RO60: variants seen among roughly 807,000 people sequenced by gnomAD.
The protein encoded by RO60 is Ro60, Y RNA binding protein.
RO60 carries 20 observed loss-of-function variants against 55.3 expected under a neutral mutation model. The observed-to-expected ratio is 0.36, with a 90% confidence interval of 0.25 to 0.53. The LOEUF is 0.53. RO60 is among the 20% of genes least tolerant of loss of function. The probability of loss-of-function intolerance (pLI) is 0.92; values close to 1 mark genes in which losing one functional copy is unlikely to be tolerated. For synonymous variants in RO60, 213 were observed against 213.6 expected, an observed-to-expected ratio of 1.00 and a Z score of 0.02; for missense variants, 558 against 646.6, an observed-to-expected ratio of 0.86 and a Z score of 1.49.
intron 1 of RO60, among the ~76,000 whole-genome samples, chr1:193,063,616 C>T (rs1323169263): frequency 6.6e-6 from 1 of 151,956 alleles, no homozygotes; most frequent in African/African-American, 2.4e-5. Context: ...GTCTGCGTTC[C>T]AACACTAATT....
At chr1:193,071,949 T>G (rs2103041316) in intron 2 of RO60, among the ~76,000 whole-genome samples, 1 of 151,532 alleles carries the variant, frequency 6.6e-6, no homozygotes, top group South Asian at 2.1e-4. Context: ...TTAGTTACTG[T>G]CTTTTTAACT....
Position 193,069,310 on chromosome 1 carries a change from A to C in RO60, c.256A>C (p.Thr86Pro), listed in dbSNP as rs762109686. 1 of 1,614,252 alleles carries C rather than the reference A, an allele frequency of 6.2e-7. No individual in the cohort carries two copies. Among genetic ancestry groups the C allele is most frequent in the Admixed American group, 1.7e-5 (1 of 60,034 alleles). The change falls in exon 2 of 9, where the codon ACC becomes CCC. Residue 86 changes from threonine (T) to proline (P), a missense_variant. By Grantham distance (38) the Thr-to-Pro change is conservative (BLOSUM62 -1). Coordinates refer to ENST00000400968, the MANE Select transcript of RO60 (RefSeq NM_001173524.2). ...AAAGTCATTTAGTCAAGAAGGCAGA[A>C]CCACAAAGCAAGAGCCTATGCTCTT... ...EIKSFSQEGR[T>P]TKQEPMLFAL... is the part of the protein sequence containing the mutation.
At position 193,086,255 on chromosome 1, in the gene RO60, T is replaced by G. The variant is rs1674619157; in HGVS notation, c.*1524T>G. ...ATTTTCTTCTGTTTTATGTGAAATT[T>G]GGGCTCTGGGAATAAGAAAATATTC... is the stretch of plus-strand genomic sequence containing the variant. On this transcript the variant is annotated 3_prime_UTR_variant, in exon 9 of 9. Coordinates refer to ENST00000400968, the MANE Select transcript of RO60 (RefSeq NM_001173524.2). 4 of 156,474 alleles carry G rather than the reference T, an allele frequency of 2.6e-5. No individual in the cohort carries two copies. In the Admixed American group the frequency reaches 2.6e-4, roughly 10 times the overall value. The allele number at this position is 156,474 out of a possible 1,614,324, so 9.7% of individuals were successfully genotyped here. A position where few individuals can be genotyped will look rare whatever the true frequency, so the allele number is the denominator to read the frequency against.
rs1674687414 is a variant in RO60 at position 193,087,956 on chromosome 1, C to G, written c.*3225C>G. ...ACTGAAGAGGGAGAAAAAATATACT[C>G]CAAGATCTTCTTGGACAGACCTAGA... is the stretch of plus-strand genomic sequence containing the variant. On this transcript the variant is annotated 3_prime_UTR_variant, in exon 9 of 9. Transcript: ENST00000400968. The G allele has an allele frequency of 6.6e-6, 1 of 151,906 alleles. No homozygotes were observed. Among genetic ancestry groups the G allele is most frequent in the African/African-American group, 2.4e-5 (1 of 41,336 alleles). 9.4% of individuals were successfully genotyped at this position (151,906 alleles called of 1,614,324 possible).
chr1:193,071,162 A>G (rs1673466765), intron 2 of RO60, among the ~76,000 whole-genome samples: 1 of 152,168 alleles, frequency 6.6e-6, no homozygotes, highest in African/African-American at 2.4e-5. Context: ...TGCTCTTATG[A>G]GACTAATGCC....
chr1:193,071,026 G>T (rs766166693), intron 2 of RO60, among the ~76,000 whole-genome samples: 5 of 152,134 alleles, frequency 3.3e-5, no homozygotes, highest in African/African-American at 7.2e-5. Context: ...CAGTTTTTCC[G>T]CAGGCAGTGG....
chr1:193,082,701 A>G lies in RO60; in HGVS notation c.1457A>G (p.Tyr486Cys). ...GVHPAIALREYRKKMDIPAKL... is the reference protein window; with the variant it reads ...GVHPAIALRECRKKMDIPAKL... ...CATCCTGCTATTGCTCTGAGGGAGTATCGAAAGGTAAAACAAATTCTAATA... is the reference window on the plus strand; with the variant it reads ...CATCCTGCTATTGCTCTGAGGGAGTGTCGAAAGGTAAAACAAATTCTAATA... Residue 486 changes from tyrosine to cysteine, a missense_variant, in exon 8 of 9, where the codon TAT becomes TGT. Coordinates refer to ENST00000400968, the MANE Select transcript of RO60 (RefSeq NM_001173524.2). 1 of 1,609,110 alleles carries G rather than the reference A, an allele frequency of 6.2e-7. No homozygotes were observed. Among genetic ancestry groups the G allele is most frequent in the East Asian group, 2.2e-5 (1 of 44,764 alleles).
chr1:193,071,411 C>A (rs1215647392), intron 2 of RO60, among the ~76,000 whole-genome samples: 1 of 152,136 alleles, frequency 6.6e-6, no homozygotes, highest in East Asian at 1.9e-4. Flanking sequence ...ATTGCTATTG[C>A]TATTGCTGTT....
At position 193,076,611 on chromosome 1, in the gene RO60, A is replaced by G. The variant is rs1177111731; in HGVS notation, c.912A>G (p.Val304=). ...CAGGAAATTCAGAAGTATCTTTAGT[A>G]TGTGAAAAACTGTGTAATGAAAAAC... is the stretch of plus-strand genomic sequence containing the variant. The part of the protein sequence containing the change: ...LEPGNSEVSL[V]CEKLCNEKLL... The change falls in exon 4 of 9, where the codon GTA becomes GTG. Residue 304 remains valine (V), a synonymous_variant. Transcript: ENST00000400968. 1.2e-6 allele frequency: 2 copies of G among 1,609,440 alleles called. No homozygotes were observed. The highest frequency in any genetic ancestry group is 1.7e-5 in the Admixed American group (1 of 58,986).
chr1:193,071,801 A>AT, intron 2 of RO60, among the ~76,000 whole-genome samples: 1 of 148,346 alleles, frequency 6.7e-6, no homozygotes, highest in East Asian at 1.9e-4. Context: ...ATAGTATAGT[A>AT]TGTAATATAT....
chr1:193,067,079 A>T (rs986285480), intron 1 of RO60, among the ~76,000 whole-genome samples: 6 of 151,906 alleles, frequency 3.9e-5, no homozygotes, highest in African/African-American at 1.5e-4. Context: ...CTCACTCATA[A>T]TACTTTTCTA....
intron 1 of RO60, among the ~76,000 whole-genome samples, chr1:193,063,750 C>G (rs936725735): frequency 6.6e-6 from 1 of 152,128 alleles, no homozygotes; most frequent in African/African-American, 2.4e-5. Context: ...ATTTGGACAC[C>G]AGCTGTAAAT....
chr1:193,064,446 ACT>A (rs1157740296), intron 1 of RO60, among the ~76,000 whole-genome samples: 1 of 152,120 alleles, frequency 6.6e-6, no homozygotes, highest in Non-Finnish European at 1.5e-5. Context: ...AAGACCAGGT[ACT>A]CTCTCTTATA....
At chr1:193,073,768 G>A (rs910395943) in intron 2 of RO60, among the ~76,000 whole-genome samples, 1 of 152,058 alleles carries the variant, frequency 6.6e-6, no homozygotes, top group African/African-American at 2.4e-5. Flanking sequence ...TTAAGTTCTA[G>A]GGTACATGTG....
At chr1:193,073,718 C>A (rs1673680524) in intron 2 of RO60, among the ~76,000 whole-genome samples, 1 of 152,188 alleles carries the variant, frequency 6.6e-6, no homozygotes, top group Non-Finnish European at 1.5e-5. Context: ...GTATTACAGG[C>A]ATGTGCCACC....
chr1:193,073,881 T>TC (rs1006486416), intron 2 of RO60, among the ~76,000 whole-genome samples: 1 of 105,190 alleles, frequency 9.5e-6, no homozygotes, highest in Non-Finnish European at 1.9e-5. Context: ...ATGCTATCCC[T>TC]CCCCCCTCCC....
At chr1:193,081,601 AT>A in intron 6 of RO60, 121 bp downstream of exon 6, 1 of 586,340 alleles carries the variant, frequency 1.7e-6, no homozygotes, top group Non-Finnish European at 3.0e-6. Context: ...AGCTTGTCAC[AT>A]TTTTAATTTT....
intron 5 of RO60, among the ~76,000 whole-genome samples, chr1:193,077,592 G>A (rs1246938624): frequency 3.3e-5 from 5 of 152,084 alleles, no homozygotes; most frequent in Admixed American, 1.3e-4. Flanking sequence ...AGGGGAAATC[G>A]CCCCCATGAT....
At chr1:193,072,025 T>A (rs542491388) in intron 2 of RO60, among the ~76,000 whole-genome samples, 104 of 152,164 alleles carry the variant, frequency 6.8e-4, no homozygotes, top group Middle Eastern at 3.4e-3. Flanking sequence ...TATTTTGAGA[T>A]GGAGTTTCAC....
Sources: allele counts gnomAD v4.1 joint callset (sites outside exome capture counted in the v4.1 genomes callset), GRCh38; gene constraint gnomAD v4.1.1; transcripts MANE v1.5; gene names NCBI Gene and HGNC (gene_info 2026-07-23, HGNC 2026-07-21).